MBD5: variants seen among roughly 807,000 people sequenced by gnomAD.
MBD5 encodes methyl-CpG-binding domain protein 5.
Under a neutral mutation model 117.3 loss-of-function variants are expected in MBD5, and 13 were observed. The ratio of observed to expected loss-of-function variants is 0.11; its 90% confidence interval spans 0.07 to 0.18. MBD5 has a LOEUF of 0.18. MBD5 is among the 10% of genes least tolerant of loss of function. The probability of loss-of-function intolerance (pLI) is 1.00; values close to 1 mark genes in which losing one functional copy is unlikely to be tolerated. For missense variants in MBD5, 1,879 were observed against 2,093.8 expected (o/e 0.90, Z 2.00); for synonymous variants, 727 against 766.4 (o/e 0.95, Z 0.85).
chr2:148,505,279 C>G (rs1427564475), intron 12 of MBD5, among the ~76,000 whole-genome samples: 1 of 151,998 alleles, frequency 6.6e-6, no homozygotes, highest in African/African-American at 2.4e-5. Context: ...GTTTGGGGTG[C>G]CTGTAGGATA....
chr2:148,485,986 A>G (rs759846651), intron 10 of MBD5, 36 bp downstream of exon 10: 52 of 1,595,138 alleles, frequency 3.3e-5, no homozygotes, highest in Non-Finnish European at 4.4e-5. Flanking sequence ...AGAAGAAAAC[A>G]ATGTCTGAGT....
intron 4 of MBD5, among the ~76,000 whole-genome samples, chr2:148,449,789 C>T (rs1460087096): frequency 2.0e-5 from 3 of 151,952 alleles, no homozygotes; most frequent in Non-Finnish European, 4.4e-5. Context: ...TAAAAAGCTT[C>T]CCTAATACTT....
chr2:148,268,681 T>C (rs1574219011), intron 3 of MBD5, among the ~76,000 whole-genome samples: 2 of 151,652 alleles, frequency 1.3e-5, no homozygotes, highest in Admixed American at 1.3e-4. Context: ...ATGAGTATTT[T>C]AAATAAAAGT....
chr2:148,203,386 A>ACCTG (rs1288654909), intron 2 of MBD5, among the ~76,000 whole-genome samples: 6 of 152,310 alleles, frequency 3.9e-5, no homozygotes, highest in African/African-American at 1.4e-4. Context: ...ACCTGTAAAA[A>ACCTG]TAATTTTCCA....
chr2:148,126,234 A>G (rs1385986263), intron 1 of MBD5, among the ~76,000 whole-genome samples: 1 of 115,940 alleles, frequency 8.6e-6, no homozygotes, highest in Non-Finnish European at 1.9e-5. Context: ...CGTTTCTACT[A>G]AAAATAAAAA....
chr2:148,108,234 T>C (rs1203141689), intron 1 of MBD5, among the ~76,000 whole-genome samples: 2 of 152,162 alleles, frequency 1.3e-5, no homozygotes, highest in African/African-American at 4.8e-5. Context: ...CTAATACAAA[T>C]TAATACTAAT....
chr2:148,212,367 G>A (rs976526848), intron 2 of MBD5, among the ~76,000 whole-genome samples: 2 of 152,128 alleles, frequency 1.3e-5, no homozygotes, highest in African/African-American at 4.8e-5. Context: ...TCATGGTAAT[G>A]TTTTCAAGGC....
At chr2:148,427,889 T>C (rs1338935053) in intron 4 of MBD5, among the ~76,000 whole-genome samples, 1 of 151,824 alleles carries the variant, frequency 6.6e-6, no homozygotes, top group African/African-American at 2.4e-5. Flanking sequence ...GCCAATATCA[T>C]ACTGAATGTG....
intron 3 of MBD5, among the ~76,000 whole-genome samples, chr2:148,258,786 C>T (rs904866177): frequency 1.6e-4 from 25 of 152,334 alleles, no homozygotes; most frequent in East Asian, 5.8e-4. Context: ...TATCCATGAG[C>T]GTGTCACTTG....
chr2:148,209,576 C>G (rs746014992), intron 2 of MBD5, among the ~76,000 whole-genome samples: 13 of 151,178 alleles, frequency 8.6e-5, no homozygotes, highest in Non-Finnish European at 1.6e-4. Context: ...TATAGAAGCT[C>G]AGACTAAGAC....
At chr2:148,430,085 T>C (rs917696317) in intron 4 of MBD5, among the ~76,000 whole-genome samples, 1 of 152,184 alleles carries the variant, frequency 6.6e-6, no homozygotes, top group African/African-American at 2.4e-5. Context: ...TTATGAGAAT[T>C]TGACCAGAGC....
At chr2:148,270,272 A>G (rs1382667002) in intron 3 of MBD5, among the ~76,000 whole-genome samples, 2 of 152,186 alleles carry the variant, frequency 1.3e-5, no homozygotes, top group African/African-American at 4.8e-5. Flanking sequence ...ATATTTTGCA[A>G]GCCCTAAATA....
At chr2:148,256,334 T>C (rs1700590097) in intron 3 of MBD5, among the ~76,000 whole-genome samples, 1 of 152,220 alleles carries the variant, frequency 6.6e-6, no homozygotes, top group Admixed American at 6.5e-5. Context: ...ACTCTAACCA[T>C]TGGACCTTGG....
chr2:148,313,452 T>C (rs932022768), intron 3 of MBD5, among the ~76,000 whole-genome samples: 29 of 152,280 alleles, frequency 1.9e-4, no homozygotes, highest in East Asian at 1.9e-4. Context: ...GTTTACACTG[T>C]GAGGGTAAAA....
At chr2:148,450,246 A>C (rs1386738556) in intron 4 of MBD5, among the ~76,000 whole-genome samples, 1 of 152,190 alleles carries the variant, frequency 6.6e-6, no homozygotes, top group East Asian at 1.9e-4. Flanking sequence ...GAAATTTTAA[A>C]ACTTGTGCAA....
rs550502589 is a variant in MBD5 at position 148,354,893 on chromosome 2, T to A, written c.-557+12557T>A. On this transcript the variant is annotated intron_variant, in intron 4 of 13. Coordinates refer to ENST00000642680, the MANE Select transcript of MBD5 (RefSeq NM_001378120.1). ...TTCATACGTTTGTTGGCTGCATAAA[T>A]GTCTTCTTTTGAGAAGTGTCTGTTC... Among the ~76,000 whole-genome samples, 7 of 152,302 alleles carry A rather than the reference T, an allele frequency of 4.6e-5. No homozygotes were observed. In the East Asian group the frequency reaches 1.2e-3, roughly 25 times the overall value.
chr2:148,036,721 A>C (rs1207260643), intron 1 of MBD5, among the ~76,000 whole-genome samples: 3 of 151,990 alleles, frequency 2.0e-5, no homozygotes, highest in Non-Finnish European at 2.9e-5. Flanking sequence ...CATTCTTAGT[A>C]TTTCATTTCT....
intron 4 of MBD5, among the ~76,000 whole-genome samples, chr2:148,373,317 C>G (rs1223831169): frequency 6.6e-6 from 1 of 152,024 alleles, no homozygotes; most frequent in Non-Finnish European, 1.5e-5. Context: ...ATGTAATACT[C>G]TTGTTCATTG....
intron 3 of MBD5, among the ~76,000 whole-genome samples, chr2:148,271,148 T>C (rs1700976659): frequency 6.6e-6 from 1 of 152,164 alleles, no homozygotes; most frequent in Non-Finnish European, 1.5e-5. Context: ...TGGAGAAAGA[T>C]TTTTAGGCTC....
Sources: allele counts gnomAD v4.1 joint callset (sites outside exome capture counted in the v4.1 genomes callset), GRCh38; gene constraint gnomAD v4.1.1; transcripts MANE v1.5; gene names NCBI Gene and HGNC (gene_info 2026-07-23, HGNC 2026-07-21).